Variants in LRMDA observed in about 807,000 individuals in gnomAD.
LRMDA encodes leucine-rich melanocyte differentiation-associated protein.
In LRMDA, 18 loss-of-function variants were observed where a neutral mutation model predicts 29.8. The observed-to-expected ratio is 0.60, with a 90% CI of 0.42 to 0.90. The LOEUF (loss-of-function observed/expected upper bound fraction) is 0.90. LRMDA is among the 40% of genes least tolerant of loss of function. LRMDA has a pLI of 0.00. For missense variants in LRMDA, 273 were observed against 273.9 expected (o/e 1.00, Z 0.02); for synonymous variants, 125 against 109.4 (o/e 1.14, Z -0.89).
At chr10:76,035,358 A>C (rs1031553196) in intron 2 of LRMDA, among the ~76,000 whole-genome samples, 6 of 152,154 alleles carry the variant, frequency 3.9e-5, no homozygotes, top group African/African-American at 1.4e-4. Flanking sequence ...TGATTATGTA[A>C]TTCTGCAGAT....
chr10:75,626,207 G>A (rs1589138943), intron 2 of LRMDA, among the ~76,000 whole-genome samples: 1 of 152,000 alleles, frequency 6.6e-6, no homozygotes, highest in African/African-American at 2.4e-5. Context: ...CCGTGGCACA[G>A]ACATGCCTCA....
intron 2 of LRMDA, among the ~76,000 whole-genome samples, chr10:75,947,210 A>G (rs1482432945): frequency 6.6e-6 from 1 of 152,196 alleles, no homozygotes; most frequent in African/African-American, 2.4e-5. Context: ...AATTGCCAAT[A>G]TCTGACCAGT....
chr10:76,046,414 C>G (rs1848439464), intron 3 of LRMDA, among the ~76,000 whole-genome samples: 1 of 152,174 alleles, frequency 6.6e-6, no homozygotes, highest in Non-Finnish European at 1.5e-5. Flanking sequence ...CTTTCATTCT[C>G]TAATTCCCTC....
chr10:75,945,495 C>T (rs563739591), intron 2 of LRMDA, among the ~76,000 whole-genome samples: 1 of 152,330 alleles, frequency 6.6e-6, no homozygotes, highest in Non-Finnish European at 1.5e-5. Context: ...ATTTTAGCCA[C>T]TCCATCTTGC....
intron 2 of LRMDA, among the ~76,000 whole-genome samples, chr10:75,991,666 C>T (rs114852552): frequency 1.5e-3 from 236 of 152,284 alleles, no homozygotes; most frequent in African/African-American, 5.5e-3. Context: ...ATGAGTGGTA[C>T]CTACTAGAGT....
chr10:76,250,423 C>A, intron 5 of LRMDA, among the ~76,000 whole-genome samples: 1 of 152,134 alleles, frequency 6.6e-6, no homozygotes, highest in South Asian at 2.1e-4. Flanking sequence ...TATGTATGTA[C>A]TTTCATTTGT....
intron 2 of LRMDA, among the ~76,000 whole-genome samples, chr10:75,533,768 CAG>C (rs1206530600): frequency 1.3e-5 from 2 of 152,060 alleles, no homozygotes; most frequent in African/African-American, 4.8e-5. Flanking sequence ...TGGGCCCACT[CAG>C]AGGATGAGAG....
At chr10:75,507,337 C>A (rs913934109) in intron 2 of LRMDA, among the ~76,000 whole-genome samples, 1 of 152,198 alleles carries the variant, frequency 6.6e-6, no homozygotes, top group Non-Finnish European at 1.5e-5. Context: ...TCTCCTGAAG[C>A]AGCTTCTTCA....
At chr10:75,951,534 C>G (rs558035751) in intron 2 of LRMDA, among the ~76,000 whole-genome samples, 1 of 152,322 alleles carries the variant, frequency 6.6e-6, no homozygotes, top group South Asian at 2.1e-4. Flanking sequence ...CCAGATGTCT[C>G]AAAGACCTGG....
intron 2 of LRMDA, among the ~76,000 whole-genome samples, chr10:75,471,201 CT>C (rs1469977506): frequency 2.0e-5 from 3 of 150,392 alleles, no homozygotes; most frequent in Non-Finnish European, 2.9e-5. Context: ...CTTAATTCAG[CT>C]TTTTTTCTGG....
intron 2 of LRMDA, among the ~76,000 whole-genome samples, chr10:75,792,618 A>G (rs1348642794): frequency 6.6e-6 from 1 of 152,176 alleles, no homozygotes; most frequent in African/African-American, 2.4e-5. Context: ...ACAGACCTGT[A>G]TGCCTGCAGT....
intron 6 of LRMDA, among the ~76,000 whole-genome samples, chr10:76,481,116 A>G (rs1842729286): frequency 6.6e-6 from 1 of 151,964 alleles, no homozygotes; most frequent in Non-Finnish European, 1.5e-5. Context: ...AATGTGGATC[A>G]TGAGGACTTC....
At chr10:76,348,406 A>C (rs1431490997) in intron 6 of LRMDA, among the ~76,000 whole-genome samples, 3 of 152,236 alleles carry the variant, frequency 2.0e-5, no homozygotes, top group African/African-American at 7.2e-5. Flanking sequence ...CTAGGGAACA[A>C]CCATAAAGTA....
At chr10:76,351,090 T>C (rs1285176338) in intron 6 of LRMDA, among the ~76,000 whole-genome samples, 1 of 151,804 alleles carries the variant, frequency 6.6e-6, no homozygotes, top group Non-Finnish European at 1.5e-5. Flanking sequence ...ATCAGTTAAA[T>C]GTAGTCAAAG....
At chr10:76,316,213 T>C (rs532907552) in intron 5 of LRMDA, among the ~76,000 whole-genome samples, 12 of 152,308 alleles carry the variant, frequency 7.9e-5, no homozygotes, top group African/African-American at 2.6e-4. Flanking sequence ...TGACGCCCTC[T>C]TTAGGGCTCT....
At chr10:76,125,739 G>A (rs1461383083) in intron 5 of LRMDA, among the ~76,000 whole-genome samples, 1 of 152,194 alleles carries the variant, frequency 6.6e-6, no homozygotes, top group Admixed American at 6.5e-5. Context: ...TGCAGCTGGA[G>A]GGACAGAGCT....
rs138997723 is a variant in LRMDA at position 76,054,188 on chromosome 10, T to C, written c.399-4478T>C. The stretch of plus-strand genomic sequence containing the variant: ...AGAAGACATCTCTATGGAGGAACTT[T>C]GGACCCTGGGCTGAATCTCAGATGG... On this transcript the variant is annotated intron_variant, in intron 4 of 6. Coordinates refer to ENST00000611255, the MANE Select transcript of LRMDA (RefSeq NM_001305581.2). Among the ~76,000 whole-genome samples the C allele has an allele frequency of 5.6e-3, 846 of 152,292 alleles. 7 individuals carry two copies. Among genetic ancestry groups the C allele is most frequent in the African/African-American group, 0.019 (785 of 41,562 alleles).
intron 2 of LRMDA, among the ~76,000 whole-genome samples, chr10:75,811,293 G>C (rs903471339): frequency 6.6e-6 from 1 of 152,042 alleles, no homozygotes; most frequent in Non-Finnish European, 1.5e-5. Flanking sequence ...CCCACCCCTT[G>C]CTGAGGTCTG....
At chr10:75,720,870 C>T (rs537130357) in intron 2 of LRMDA, among the ~76,000 whole-genome samples, 17 of 152,196 alleles carry the variant, frequency 1.1e-4, no homozygotes, top group South Asian at 2.1e-4. Context: ...GACGGCTTCT[C>T]GGCTAAACTA....
Sources: allele counts gnomAD v4.1 joint callset (sites outside exome capture counted in the v4.1 genomes callset), GRCh38; gene constraint gnomAD v4.1.1; transcripts MANE v1.5; gene names NCBI Gene and HGNC (gene_info 2026-07-23, HGNC 2026-07-21).